The following POLD4 variants were observed in gnomAD, a reference collection of about 807,000 sequenced individuals.
POLD4 encodes the protein DNA polymerase delta 4, accessory subunit, also known as DNA polymerase delta subunit 4.
Under a neutral mutation model 16.5 loss-of-function variants are expected in POLD4, and 9 were observed. That is an observed-to-expected ratio of 0.55 (90% CI 0.33 to 0.95). The LOEUF is 0.95. Ranked by LOEUF, POLD4 falls within the 40% of genes least tolerant of loss-of-function variation. POLD4 has a pLI of 0.03. For missense variants in POLD4, 129 were observed against 139.7 expected (o/e 0.92, Z 0.39); for synonymous variants, 62 against 57.6 (o/e 1.08, Z -0.35).
In POLD4 at chr11:67,352,745, G is replaced by C. The variant is rs375267187; in HGVS notation, c.245C>G (p.Pro82Arg). 8 of 1,613,250 alleles carry C rather than the reference G, an allele frequency of 5.0e-6. No individual in the cohort carries two copies. In the African/African-American group the frequency reaches 9.3e-5, roughly 19 times the overall value. Residue 82 changes from proline to arginine, a missense_variant, in exon 3 of 4, where the codon CCA becomes CGA. Coordinates refer to ENST00000312419, the MANE Select transcript of POLD4 (RefSeq NM_021173.5). ...RAKQMGLEPPPEVWQVLKTHP... is the reference protein window; with the variant it reads ...RAKQMGLEPPREVWQVLKTHP... The stretch of plus-strand genomic sequence containing the variant: ...GGTCTTCAGCACCTGCCACACCTCT[G>C]GGGGAGGCTCCAAGCCCATCTGCTT...
intron 3 of POLD4, 96 bp downstream of exon 3, chr11:67,352,595 C>T: frequency 1.1e-6 from 1 of 898,946 alleles, no homozygotes; most frequent in South Asian, 1.6e-5. Context: ...GGCCTTCCAA[C>T]CCTCCATCCA....
chr11:67,352,844 G>C (rs749664496), intron 2 of POLD4, 42 bp from the exon 3 acceptor site: 19 of 1,517,268 alleles, frequency 1.3e-5, no homozygotes, highest in Middle Eastern at 1.7e-4. Flanking sequence ...TGTGGGGGGT[G>C]GGGTAGAGTC....
chr11:67,353,148 A>G, intron 1 of POLD4, 71 bp from the exon 2 acceptor site: 1 of 1,510,650 alleles, frequency 6.6e-7, no homozygotes, highest in Non-Finnish European at 9.0e-7. Flanking sequence ...AGCCTTCCTC[A>G]CCACCGCTTT....
At position 67,352,756 on chromosome 11, in the gene POLD4, C is replaced by T. The variant is rs1459675091; in HGVS notation, c.234G>A (p.Leu78=). 1 of 1,612,904 alleles carries T rather than the reference C, an allele frequency of 6.2e-7. No individual in the cohort carries two copies. Among genetic ancestry groups the T allele is most frequent in the African/African-American group, 1.3e-5 (1 of 74,846 alleles). The change falls in exon 3 of 4, where the codon TTG becomes TTA. Residue 78 remains leucine, a synonymous_variant. Transcript: ENST00000312419. ...QRWCRAKQMG[L]EPPPEVWQVL... The stretch of plus-strand genomic sequence containing the variant: ...CCTGCCACACCTCTGGGGGAGGCTC[C>T]AAGCCCATCTGCTTGGCCCGACACC...
chr11:67,352,916 C>T, intron 2 of POLD4, 72 bp downstream of exon 2: 1 of 1,432,838 alleles, frequency 7.0e-7, no homozygotes, highest in Non-Finnish European at 9.4e-7. Flanking sequence ...CACGCAAGCG[C>T]TTGGGTGACT....
intron 1 of POLD4, 51 bp downstream of exon 1, chr11:67,353,252 C>T (rs779192794): frequency 3.2e-6 from 5 of 1,576,296 alleles, no homozygotes; most frequent in South Asian, 2.3e-5. Context: ...TAGGGGCCTC[C>T]TCTAGGCCCC....
intron 1 of POLD4, 42 bp downstream of exon 1, chr11:67,353,261 C>T (rs1395700125): frequency 6.3e-7 from 1 of 1,591,774 alleles, no homozygotes; most frequent in South Asian, 1.1e-5. Context: ...CCTCTAGGCC[C>T]CTCCGTGTCC....
chr11:67,352,830 G>A, intron 2 of POLD4, 28 bp from the exon 3 acceptor site: 1 of 1,560,092 alleles, frequency 6.4e-7, no homozygotes. Flanking sequence ...AGACTCTGGA[G>A]ACTTGTGGGG....
At chr11:67,352,958 GC>G (rs767478794) in intron 2 of POLD4, 29 bp downstream of exon 2, 3 of 1,517,842 alleles carry the variant, frequency 2.0e-6, no homozygotes, top group South Asian at 2.5e-5. Context: ...GCTGGGAGAG[GC>G]GCCTCCGTGG....
At chr11:67,353,277 T>A in intron 1 of POLD4, 26 bp downstream of exon 1, 4 of 1,601,894 alleles carry the variant, frequency 2.5e-6, no homozygotes, top group Non-Finnish European at 3.4e-6. Flanking sequence ...TGTCCACTCC[T>A]CCTGCCTCCC....
intron 1 of POLD4, 55 bp downstream of exon 1, chr11:67,353,248 C>T (rs1171299209): frequency 1.9e-6 from 3 of 1,581,280 alleles, no homozygotes; most frequent in Admixed American, 3.5e-5. Flanking sequence ...CCTCTAGGGG[C>T]CTCCTCTAGG....
chr11:67,352,035 TG>T lies in POLD4; in HGVS notation c.300-17del. 3 of 192,288 alleles carry T rather than the reference TG, an allele frequency of 1.6e-5. No homozygotes were observed. The highest frequency in any genetic ancestry group is 2.1e-5 in the Non-Finnish European group (2 of 94,214). 11.9% of individuals were successfully genotyped at this position (192,288 alleles called of 1,614,324 possible). Reference sequence around the variant, plus strand: ...ATGCCAGAGACTGTGGAAGATGGGGTGGGAGGGAGGGATACCCCAGAGAGAG... The same window carrying T: ...ATGCCAGAGACTGTGGAAGATGGGGTGGAGGGAGGGATACCCCAGAGAGAG... On this transcript the variant is annotated splice_polypyrimidine_tract_variant and intron_variant, in intron 3 of 3. Transcript: ENST00000312419.
rs747903396 is a variant in POLD4 at position 67,353,347 on chromosome 11, T to C, written c.53A>G (p.Glu18Gly). ...TDSYPVVKRR[E>G]GPAGHSKGEL... ...CCCCTTGCTGTGCCCAGCGGGCCCC[T>C]CCCTCCTCTTCACAACCGGGTAGGA... The change falls in exon 1 of 4, where the codon GAG (glutamate) becomes GGG (glycine). Residue 18 changes from glutamate to glycine, a missense_variant. Physicochemically the swap from Glu to Gly is moderately conservative, Grantham distance 98 (BLOSUM62 -2). Coordinates refer to ENST00000312419, the MANE Select transcript of POLD4 (RefSeq NM_021173.5). The C allele has an allele frequency of 1.1e-5, 17 of 1,612,176 alleles. No individual in the cohort carries two copies. The highest frequency in any genetic ancestry group is 1.4e-5 in the Non-Finnish European group (17 of 1,179,954).
At chr11:67,352,078 A>G in intron 3 of POLD4, 59 bp from the exon 4 acceptor site, 2 of 1,379,384 alleles carry the variant, frequency 1.4e-6, no homozygotes, top group Non-Finnish European at 2.0e-6. Context: ...AGAAACAGAG[A>G]ATCAGTTGTT....
intron 3 of POLD4, chr11:67,352,427 G>A (rs1861888777): frequency 4.9e-6 from 2 of 404,936 alleles, no homozygotes; most frequent in Non-Finnish European, 9.0e-6. Flanking sequence ...GGAGAATGGC[G>A]TGAACCCGAG....
chr11:67,352,031 GGGGTGGGA>G lies in POLD4; in HGVS notation c.300-20_300-13del. 1.3e-6 allele frequency: 2 copies of G among 1,517,072 alleles called. No homozygotes were observed. Among genetic ancestry groups the G allele is most frequent in the African/African-American group, 1.4e-5 (1 of 73,268 alleles). 94.0% of individuals were successfully genotyped at this position (1,517,072 alleles called of 1,614,324 possible). On this transcript the variant is annotated splice_polypyrimidine_tract_variant and intron_variant, in intron 3 of 3. Transcript: ENST00000312419. ...AGAGATGCCAGAGACTGTGGAAGAT[GGGGTGGGA>G]GGGAGGGATACCCCAGAGAGAGAGA...
chr11:67,353,141 C>A, intron 1 of POLD4, 64 bp from the exon 2 acceptor site: 1 of 1,517,362 alleles, frequency 6.6e-7, no homozygotes, highest in Non-Finnish European at 8.9e-7. Context: ...ACCTCCCAGC[C>A]TTCCTCACCA....
In POLD4 at chr11:67,353,300, G is replaced by T; in HGVS notation, c.97+3C>A. 6.2e-7 allele frequency: 1 copy of T among 1,610,792 alleles called. No individual in the cohort carries two copies. Among genetic ancestry groups the T allele is most frequent in the Non-Finnish European group, 8.5e-7 (1 of 1,179,418 alleles). On this transcript the variant is annotated splice_donor_region_variant and intron_variant, in intron 1 of 3. Transcript: ENST00000312419. ...CCTCCTGCCTCCCTCACACCTCAGA[G>T]ACCTAGCTCGGGTGCCAGCTCCCCC...
In POLD4 at chr11:67,351,979, G is replaced by A. The variant is rs767428061; in HGVS notation, c.*16C>T. ...GTGAGCAAGAGAGCTAAGGGCAGGA[G>A]GTCTTACGTGGTGCCTCATAGGGGA... On this transcript the variant is annotated 3_prime_UTR_variant, in exon 4 of 4. Transcript: ENST00000312419. The surrounding 1 kb of genome is among the most constrained non-coding windows in gnomAD (Gnocchi z 4.8). 1.5e-6 allele frequency: 2 copies of A among 1,372,440 alleles called. No homozygotes were observed. Among genetic ancestry groups the A allele is most frequent in the Non-Finnish European group, 1.9e-6 (2 of 1,030,712 alleles). The allele number at this position is 1,372,440 out of a possible 1,614,324, so 85.0% of individuals were successfully genotyped here.
Sources: gnomAD v4.1 joint callset for allele counts on GRCh38, gnomAD v4.1.1 for gene constraint, Gnocchi (gnomAD v3.1) non-coding constraint, MANE v1.5 for transcripts, NCBI Gene and HGNC (gene_info 2026-07-23, HGNC 2026-07-21) for gene names.